AMBRA1: variants seen among roughly 807,000 people sequenced by gnomAD.
AMBRA1 encodes autophagy and beclin 1 regulator 1.
A neutral mutation model predicts 125.4 loss-of-function variants in AMBRA1; 47 were observed. That is an observed-to-expected ratio of 0.37 (90% CI 0.30 to 0.48). The LOEUF (loss-of-function observed/expected upper bound fraction) is 0.48, where lower values mean the gene tolerates loss of function less well. Ranked by LOEUF, AMBRA1 falls within the 20% of genes least tolerant of loss-of-function variation. The pLI is 0.99. For synonymous variants in AMBRA1, 626 were observed against 655.5 expected, an observed-to-expected ratio of 0.95 and a Z score of 0.69; for missense variants, 1,331 against 1,693.4, an observed-to-expected ratio of 0.79 and a Z score of 3.76.
intron 1 of AMBRA1, among the ~76,000 whole-genome samples, chr11:46,585,768 A>G (rs2044375056): frequency 7.8e-6 from 1 of 127,762 alleles, no homozygotes; most frequent in East Asian, 2.2e-4. Context: ...GGGCCACCAC[A>G]CCAGGCATAA....
chr11:46,507,276 A>G (rs961688463), intron 9 of AMBRA1, among the ~76,000 whole-genome samples: 29 of 150,656 alleles, frequency 1.9e-4, no homozygotes, highest in South Asian at 4.2e-4. Flanking sequence ...TCAGGAGATC[A>G]AGACCACCCT....
At chr11:46,458,724 G>A (rs1385451626) in intron 11 of AMBRA1, among the ~76,000 whole-genome samples, 1 of 152,150 alleles carries the variant, frequency 6.6e-6, no homozygotes, top group Non-Finnish European at 1.5e-5. Flanking sequence ...AGCCACCTGA[G>A]TAGCTGGGAC....
At chr11:46,559,494 T>G (rs1364805103) in intron 1 of AMBRA1, among the ~76,000 whole-genome samples, 2 of 152,062 alleles carry the variant, frequency 1.3e-5, no homozygotes, top group Non-Finnish European at 2.9e-5. Flanking sequence ...AAAATGGCAG[T>G]AAAATTTTTT....
At chr11:46,511,124 T>G (rs769435734) in intron 8 of AMBRA1, among the ~76,000 whole-genome samples, 4 of 152,234 alleles carry the variant, frequency 2.6e-5, no homozygotes, top group Non-Finnish European at 5.9e-5. Flanking sequence ...TAAGTATCCT[T>G]GTAGAACACT....
At chr11:46,398,437 T>C (rs1590696441) in intron 17 of AMBRA1, among the ~76,000 whole-genome samples, 1 of 152,166 alleles carries the variant, frequency 6.6e-6, no homozygotes, top group African/African-American at 2.4e-5. Context: ...TCCTTCAGCG[T>C]AGTTTTGTGT....
chr11:46,479,516 G>A (rs1949969220), intron 11 of AMBRA1, among the ~76,000 whole-genome samples: 1 of 152,160 alleles, frequency 6.6e-6, no homozygotes, highest in Non-Finnish European at 1.5e-5. Context: ...GGCCAACATG[G>A]TGAAACCCTG....
chr11:46,591,857 A>C (rs2044609609), intron 1 of AMBRA1, among the ~76,000 whole-genome samples: 1 of 151,958 alleles, frequency 6.6e-6, no homozygotes, highest in Admixed American at 6.6e-5. Flanking sequence ...ACTCCGTCTC[A>C]AAAAACACAC....
chr11:46,444,462 T>G (rs556181215), intron 11 of AMBRA1, among the ~76,000 whole-genome samples: 1 of 152,300 alleles, frequency 6.6e-6, no homozygotes, highest in African/African-American at 2.4e-5. Context: ...TTCCTCCTCC[T>G]CCTTCTGAGG....
intron 17 of AMBRA1, among the ~76,000 whole-genome samples, chr11:46,398,319 C>T (rs1249349278): frequency 6.6e-6 from 1 of 152,154 alleles, no homozygotes; most frequent in Non-Finnish European, 1.5e-5. Context: ...ACTCAGCAGA[C>T]CTAGGGCTGA....
intron 4 of AMBRA1, 98 bp from the exon 5 acceptor site, chr11:46,545,874 G>T: frequency 8.8e-7 from 1 of 1,134,192 alleles, no homozygotes; most frequent in Non-Finnish European, 1.3e-6. Flanking sequence ...AAATGACTAT[G>T]TCTAGGGACT....
intron 7 of AMBRA1, among the ~76,000 whole-genome samples, chr11:46,528,281 C>T (rs1952067444): frequency 6.6e-6 from 1 of 152,324 alleles, no homozygotes; most frequent in Admixed American, 6.5e-5. Flanking sequence ...AAGCGATTCT[C>T]CTGCCTCAGC....
chr11:46,568,434 G>A (rs1468757201), intron 1 of AMBRA1, among the ~76,000 whole-genome samples: 1 of 151,722 alleles, frequency 6.6e-6, no homozygotes, highest in Non-Finnish European at 1.5e-5. Flanking sequence ...CTCCAGCTTG[G>A]GTGACAAGAG....
chr11:46,545,143 TAAAA>T (rs1202803135), intron 5 of AMBRA1, among the ~76,000 whole-genome samples: 1 of 29,966 alleles, frequency 3.3e-5, no homozygotes. Flanking sequence ...CCTGTCTCCT[TAAAA>T]AAAAAAAAAA....
Position 46,444,185 on chromosome 11 carries a change from C to G in AMBRA1, c.2522-587G>C, listed in dbSNP as rs568193699. 4.6e-5 allele frequency among the ~76,000 whole-genome samples: 7 copies of G among 152,306 alleles called. No individual in the cohort carries two copies. In the East Asian group the frequency reaches 1.3e-3, roughly 29 times the overall value. On this transcript the variant is annotated intron_variant, in intron 11 of 17. Coordinates refer to ENST00000683756, the MANE Select transcript of AMBRA1 (RefSeq NM_001387011.1). ...GTAATATTCATTCATCTCTTCTGGA[C>G]CCCTGGCACGTAACACAATAAAAAT...
At chr11:46,553,192 C>T (rs968958395) in intron 1 of AMBRA1, among the ~76,000 whole-genome samples, 1 of 152,022 alleles carries the variant, frequency 6.6e-6, no homozygotes, top group African/African-American at 2.4e-5. Flanking sequence ...ATCCACCCGC[C>T]TCAGCCTCCC....
chr11:46,504,067 G>A (rs1352760953), intron 9 of AMBRA1, among the ~76,000 whole-genome samples: 1 of 152,156 alleles, frequency 6.6e-6, no homozygotes, highest in African/African-American at 2.4e-5. Flanking sequence ...AGATATTTGC[G>A]ACTGATCTAA....
rs909791852 is a variant in AMBRA1, at chr11:46,518,035, G to C, written c.2073-5222C>G. 9 of 823,780 alleles carry C rather than the reference G, an allele frequency of 1.1e-5. No individual in the cohort carries two copies. The African/African-American group carries it at 1.5e-4, about 14-fold the overall frequency. The allele number at this position is 823,780 out of a possible 1,614,324, so 51.0% of individuals were successfully genotyped here. A position where few individuals can be genotyped will look rare whatever the true frequency, so the allele number is the denominator to read the frequency against. ...TATGGGAATCCTCTATACGTTTTCT[G>C]CAAGTTTGAAATTATTTCAAAATGA... On this transcript the variant is annotated intron_variant, in intron 7 of 17. Coordinates refer to ENST00000683756, the MANE Select transcript of AMBRA1 (RefSeq NM_001387011.1).
intron 1 of AMBRA1, among the ~76,000 whole-genome samples, chr11:46,590,948 G>A (rs1404821522): frequency 1.3e-5 from 2 of 150,878 alleles, no homozygotes; most frequent in Admixed American, 6.6e-5. Context: ...AAGAAAAAAA[G>A]CTGAATGAAC....
intron 11 of AMBRA1, among the ~76,000 whole-genome samples, chr11:46,487,250 C>T (rs1008107274): frequency 6.7e-6 from 1 of 148,594 alleles, no homozygotes; most frequent in African/African-American, 2.5e-5. Context: ...AGAGCGAGAC[C>T]CCATCTCTAA....
Sources: allele counts gnomAD v4.1 joint callset (sites outside exome capture counted in the v4.1 genomes callset), GRCh38; gene constraint gnomAD v4.1.1; transcripts MANE v1.5; gene names NCBI Gene and HGNC (gene_info 2026-07-23, HGNC 2026-07-21).